The following TRABD2B variants were observed in gnomAD, a reference collection of about 807,000 sequenced individuals.
TRABD2B encodes metalloprotease TIKI2.
TRABD2B carries 14 observed loss-of-function variants against 40.1 expected under a neutral mutation model. The ratio of observed to expected loss-of-function variants is 0.35; its 90% confidence interval spans 0.23 to 0.55. The LOEUF is 0.55. Ranked by LOEUF, TRABD2B falls within the 20% of genes least tolerant of loss-of-function variation. The pLI is 0.90. For synonymous variants in TRABD2B, 263 were observed against 277.0 expected (o/e 0.95, Z 0.50); for missense variants, 541 against 648.6 (o/e 0.83, Z 1.80).
chr1:47,897,302 C>T (rs2352799), intron 2 of TRABD2B, among the ~76,000 whole-genome samples: 147,257 of 152,222 alleles, frequency 0.97, 71,420 homozygotes, highest in Non-Finnish European at 1. Context: ...AGGTAGGAGA[C>T]GATCAGAGAG....
At chr1:47,768,140 T>C (rs1644329863) in intron 6 of TRABD2B, among the ~76,000 whole-genome samples, 1 of 152,248 alleles carries the variant, frequency 6.6e-6, no homozygotes, top group South Asian at 2.1e-4. Context: ...CTTTACTTTC[T>C]TCCGGTGATG....
Position 47,996,356 on chromosome 1 carries a change from C to T in TRABD2B, c.102+332G>A, listed in dbSNP as rs1646091821. 6.6e-6 allele frequency among the ~76,000 whole-genome samples: 1 copy of T among 151,948 alleles called. No homozygotes were observed. The highest frequency in any genetic ancestry group is 2.1e-4 in the South Asian group (1 of 4,802). Reference sequence around the variant, plus strand: ...CACAGTCAGAAGCGGGCAGAGAGACCAGAAGGGTAAAGACAGAAAAAATAT... The same window carrying T: ...CACAGTCAGAAGCGGGCAGAGAGACTAGAAGGGTAAAGACAGAAAAAATAT... On this transcript the variant is annotated intron_variant, in intron 1 of 6. Coordinates refer to ENST00000606738, the MANE Select transcript of TRABD2B (RefSeq NM_001194986.2). This position sits in a 1 kb window ranked among gnomAD's most constrained non-coding sequence, Gnocchi z 4.6.
At chr1:47,885,293 A>T (rs1194623719) in intron 2 of TRABD2B, among the ~76,000 whole-genome samples, 2 of 152,140 alleles carry the variant, frequency 1.3e-5, no homozygotes, top group Non-Finnish European at 2.9e-5. Flanking sequence ...CTCCTCCAGG[A>T]AGCCCTCGCT....
chr1:47,880,750 C>T (rs555533497), intron 2 of TRABD2B, among the ~76,000 whole-genome samples: 5 of 152,226 alleles, frequency 3.3e-5, no homozygotes, highest in Admixed American at 6.5e-5. Flanking sequence ...CTGGGTCTAA[C>T]CAATTCTGGG....
intron 2 of TRABD2B, among the ~76,000 whole-genome samples, chr1:47,825,117 A>G (rs1360578636): frequency 6.6e-6 from 1 of 152,228 alleles, no homozygotes; most frequent in East Asian, 1.9e-4. Flanking sequence ...TTTGTTTCAC[A>G]GAACAACATG....
At chr1:47,881,310 A>G (rs986035478) in intron 2 of TRABD2B, among the ~76,000 whole-genome samples, 7 of 152,132 alleles carry the variant, frequency 4.6e-5, no homozygotes, top group Admixed American at 1.3e-4. Flanking sequence ...CACTTGGTGC[A>G]GATGTGTGTT....
At chr1:47,876,676 C>G (rs79929245) in intron 2 of TRABD2B, among the ~76,000 whole-genome samples, 1 of 152,154 alleles carries the variant, frequency 6.6e-6, no homozygotes, top group Non-Finnish European at 1.5e-5. Context: ...CTGGCCCAGC[C>G]GGGGGGCCCA....
intron 2 of TRABD2B, among the ~76,000 whole-genome samples, chr1:47,830,180 C>T (rs1177796753): frequency 6.6e-6 from 1 of 152,236 alleles, no homozygotes; most frequent in African/African-American, 2.4e-5. Context: ...ATGGGACCTC[C>T]CTGAAGGCAG....
chr1:47,887,793 G>A (rs1320932321), intron 2 of TRABD2B, among the ~76,000 whole-genome samples: 2 of 152,172 alleles, frequency 1.3e-5, no homozygotes, highest in African/African-American at 2.4e-5. Flanking sequence ...TCCCAGAACC[G>A]CCTTTAGTCT....
chr1:47,942,271 C>T (rs1340289571), intron 2 of TRABD2B, among the ~76,000 whole-genome samples: 1 of 152,178 alleles, frequency 6.6e-6, no homozygotes, highest in Non-Finnish European at 1.5e-5. Flanking sequence ...AAGCCTCCTG[C>T]CCTCTTTGGA....
At chr1:47,788,096 T>C (rs559861420) in intron 4 of TRABD2B, among the ~76,000 whole-genome samples, 12 of 152,284 alleles carry the variant, frequency 7.9e-5, no homozygotes, top group African/African-American at 2.9e-4. Context: ...TTGGATTTAC[T>C]GACCAGCCAA....
Position 47,828,235 on chromosome 1 carries a change from G to A in TRABD2B, c.667-26616C>T, listed in dbSNP as rs115374290. Among the ~76,000 whole-genome samples, 252 of 152,214 alleles carry A rather than the reference G, an allele frequency of 1.7e-3. 1 individual carries two copies. Among genetic ancestry groups the A allele is most frequent in the African/African-American group, 5.8e-3 (242 of 41,524 alleles). The stretch of plus-strand genomic sequence containing the variant: ...CACCCTCTGTGGTCCCACCCCCATG[G>A]GCAGCACTGTCCCCCTCGCTGGCTG... On this transcript the variant is annotated intron_variant, in intron 2 of 6. Coordinates refer to ENST00000606738, the MANE Select transcript of TRABD2B (RefSeq NM_001194986.2).
chr1:47,958,565 T>C lies in TRABD2B; in HGVS notation c.666+35469A>G, dbSNP rs1438512607. ...AAAAAAGCAGGGGTTGCAATCCTAG[T>C]GTCTGATAAAACAGACTTTAAACCA... On this transcript the variant is annotated intron_variant, in intron 2 of 6. Coordinates refer to ENST00000606738, the MANE Select transcript of TRABD2B (RefSeq NM_001194986.2). Among the ~76,000 whole-genome samples, 3 of 145,652 alleles carry C rather than the reference T, an allele frequency of 2.1e-5. No individual in the cohort carries two copies. In the East Asian group the frequency reaches 6.1e-4, roughly 29 times the overall value.
intron 6 of TRABD2B, 103 bp downstream of exon 6, chr1:47,775,067 A>T: frequency 8.9e-7 from 1 of 1,127,920 alleles, no homozygotes; most frequent in Non-Finnish European, 1.1e-6. Context: ...TCCTTAGAGC[A>T]GGGCTGGCCT....
At chr1:47,815,538 G>A (rs1645019380) in intron 2 of TRABD2B, among the ~76,000 whole-genome samples, 1 of 152,132 alleles carries the variant, frequency 6.6e-6, no homozygotes. Flanking sequence ...TCAGAAACAG[G>A]GGTCCCTGCT....
rs573184656 is a variant in TRABD2B, at chr1:47,909,968, TC to T, written c.666+84065del. Among the ~76,000 whole-genome samples the T allele has an allele frequency of 3.8e-3, 579 of 151,790 alleles. 3 individuals are homozygous for T. Among genetic ancestry groups the T allele is most frequent in the Non-Finnish European group, 6.6e-3 (445 of 67,906 alleles). On this transcript the variant is annotated intron_variant, in intron 2 of 6. Transcript: ENST00000606738. ...TCCACCTTGTGGGCTCAAGCAATCCTCCCACCTCAGCCTCCTGAGTAGCTGG... is the reference window on the plus strand; with the variant it reads ...TCCACCTTGTGGGCTCAAGCAATCCTCCACCTCAGCCTCCTGAGTAGCTGG...
intron 3 of TRABD2B, among the ~76,000 whole-genome samples, chr1:47,800,937 G>C (rs1644815213): frequency 1.3e-5 from 2 of 152,224 alleles, no homozygotes; most frequent in African/African-American, 4.8e-5. Flanking sequence ...TAAGGTCCTT[G>C]AATGCTGGAG....
Position 47,988,499 on chromosome 1 carries a change from A to T in TRABD2B, c.666+5535T>A, listed in dbSNP as rs116938202. On this transcript the variant is annotated intron_variant, in intron 2 of 6. Transcript: ENST00000606738. ...GAGAAGAGTCACAATGAAGGAGAGC[A>T]GCTGAGGCTGGGTGGGTGTCCAGCA... Among the ~76,000 whole-genome samples, 81 of 152,334 alleles carry T rather than the reference A, an allele frequency of 5.3e-4. 1 individual carries two copies. In the East Asian group the frequency reaches 0.015, roughly 29 times the overall value.
intron 2 of TRABD2B, among the ~76,000 whole-genome samples, chr1:47,932,846 T>C (rs533258398): frequency 2.0e-4 from 31 of 152,292 alleles, no homozygotes; most frequent in African/African-American, 5.5e-4. Context: ...AGGAGGATCA[T>C]AGATACTGAC....
Sources: allele counts gnomAD v4.1 joint callset (sites outside exome capture counted in the v4.1 genomes callset), GRCh38; gene constraint gnomAD v4.1.1; non-coding constraint Gnocchi (gnomAD v3.1); transcripts MANE v1.5; gene names NCBI Gene and HGNC (gene_info 2026-07-23, HGNC 2026-07-21).